The following GALNTL6 variants were observed in gnomAD, a reference collection of about 807,000 sequenced individuals.
The protein encoded by GALNTL6 is polypeptide N-acetylgalactosaminyltransferase like 6, also known as polypeptide N-acetylgalactosaminyltransferase-like 6.
In GALNTL6, 46 loss-of-function variants were observed where a neutral mutation model predicts 73.7. The ratio of observed to expected loss-of-function variants is 0.62; its 90% CI spans 0.49 to 0.80. The LOEUF (loss-of-function observed/expected upper bound fraction) is 0.80, where lower values mean the gene tolerates loss of function less well. GALNTL6 is among the 30% of genes least tolerant of loss of function. GALNTL6 has a pLI of 0.00. For missense variants in GALNTL6, 604 were observed against 755.0 expected, an observed-to-expected ratio of 0.80 and a Z score of 2.34; for synonymous variants, 259 against 263.7, an observed-to-expected ratio of 0.98 and a Z score of 0.17.
At chr4:171,961,412 C>A (rs1469551342) in intron 2 of GALNTL6, among the ~76,000 whole-genome samples, 1 of 152,016 alleles carries the variant, frequency 6.6e-6, no homozygotes, top group African/African-American at 2.4e-5. Context: ...ATGGTACAAA[C>A]CCATGGCTGA....
At chr4:172,767,937 G>A (rs138957559) in intron 5 of GALNTL6, among the ~76,000 whole-genome samples, 38 of 152,078 alleles carry the variant, frequency 2.5e-4, no homozygotes, top group African/African-American at 8.9e-4. Flanking sequence ...CAAAGTGCTG[G>A]GATTACAGGC....
chr4:172,428,200 T>C (rs1201202962), intron 5 of GALNTL6, among the ~76,000 whole-genome samples: 1 of 152,186 alleles, frequency 6.6e-6, no homozygotes. Flanking sequence ...CATTTATGTT[T>C]TCACTGTTCA....
chr4:172,622,001 C>T (rs1426305107), intron 5 of GALNTL6, among the ~76,000 whole-genome samples: 3 of 152,094 alleles, frequency 2.0e-5, no homozygotes, highest in East Asian at 3.8e-4. Context: ...CATATGCTGC[C>T]CAACGTCAAG....
intron 5 of GALNTL6, among the ~76,000 whole-genome samples, chr4:172,649,881 T>C (rs1291675034): frequency 6.6e-6 from 1 of 152,180 alleles, no homozygotes; most frequent in Non-Finnish European, 1.5e-5. Flanking sequence ...GTTAAATTGC[T>C]TTACTAGGCA....
chr4:172,853,297 G>GGGT (rs1162711886), intron 7 of GALNTL6, among the ~76,000 whole-genome samples: 1 of 152,126 alleles, frequency 6.6e-6, no homozygotes, highest in East Asian at 1.9e-4. Flanking sequence ...TTGCCATGAG[G>GGGT]GGTGCCCCAA....
At chr4:172,223,768 A>G (rs1317664046) in intron 2 of GALNTL6, among the ~76,000 whole-genome samples, 1 of 152,124 alleles carries the variant, frequency 6.6e-6, no homozygotes, top group Non-Finnish European at 1.5e-5. Flanking sequence ...TATTAATGAT[A>G]TGATGTAAAC....
chr4:172,258,029 G>A (rs4305482), intron 3 of GALNTL6, among the ~76,000 whole-genome samples: 71,774 of 151,018 alleles, frequency 0.48, 17,057 homozygotes, highest in Middle Eastern at 0.55. Context: ...AGTCAAGAAT[G>A]AGAGAGTTTC....
Position 171,814,494 on chromosome 4 carries a change from A to G in GALNTL6, c.-87A>G, listed in dbSNP as rs1028463065. 20 of 1,421,824 alleles carry G rather than the reference A, an allele frequency of 1.4e-5. No individual in the cohort carries two copies. The highest frequency in any genetic ancestry group is 1.9e-5 in the Non-Finnish European group (19 of 1,022,462). The allele number at this position is 1,421,824 out of a possible 1,614,324, so 88.1% of individuals were successfully genotyped here. On this transcript the variant is annotated 5_prime_UTR_variant, in exon 2 of 13. Coordinates refer to ENST00000506823, the MANE Select transcript of GALNTL6 (RefSeq NM_001034845.3). ...AGCTTCTCAGTTTCTGGTGCTTCGC[A>G]GGGGAGAGGAAAGGAATTTGACATT...
chr4:172,811,058 A>G (rs1741271424), intron 6 of GALNTL6, among the ~76,000 whole-genome samples: 1 of 152,206 alleles, frequency 6.6e-6, no homozygotes, highest in African/African-American at 2.4e-5. Flanking sequence ...GTCCTGATGG[A>G]TAAGAAATGA....
chr4:172,438,339 C>T (rs1214143893), intron 5 of GALNTL6, among the ~76,000 whole-genome samples: 1 of 151,914 alleles, frequency 6.6e-6, no homozygotes, highest in Admixed American at 6.6e-5. Flanking sequence ...CCTCATATAA[C>T]CTCACTTTCA....
At chr4:172,021,093 G>A (rs34901634) in intron 2 of GALNTL6, among the ~76,000 whole-genome samples, 18,524 of 151,772 alleles carry the variant, frequency 0.12, 2,843 homozygotes, top group African/African-American at 0.36. Context: ...GATAAAATTC[G>A]GCATCCCTTC....
chr4:172,194,631 G>C (rs1391280658), intron 2 of GALNTL6, among the ~76,000 whole-genome samples: 1 of 152,158 alleles, frequency 6.6e-6, no homozygotes, highest in Non-Finnish European at 1.5e-5. Context: ...AGAGATTGGG[G>C]AACTAACATT....
rs190605434 is a variant in GALNTL6 at position 171,986,302 on chromosome 4, G to A, written c.138+171584G>A. Among the ~76,000 whole-genome samples, 11 of 151,948 alleles carry A rather than the reference G, an allele frequency of 7.2e-5. No individual in the cohort carries two copies. The East Asian group carries it at 1.6e-3, about 22-fold the overall frequency. On this transcript the variant is annotated intron_variant, in intron 2 of 12. Transcript: ENST00000506823. ...GGGGGTGTTCTCTGGCGGGCAGAGT[G>A]GGGGTCACAAGGTGCTCAGTAGGGG...
chr4:172,840,395 C>A (rs1267909158), intron 7 of GALNTL6, among the ~76,000 whole-genome samples: 1 of 152,214 alleles, frequency 6.6e-6, no homozygotes, highest in Non-Finnish European at 1.5e-5. Flanking sequence ...ATTCCTCTTT[C>A]CCTTCCGCCA....
At chr4:172,852,022 G>A (rs1743846468) in intron 7 of GALNTL6, among the ~76,000 whole-genome samples, 1 of 152,118 alleles carries the variant, frequency 6.6e-6, no homozygotes, top group African/African-American at 2.4e-5. Flanking sequence ...TTCAGGTTCA[G>A]GGAATACTCT....
At chr4:172,936,653 C>T (rs1222025336) in intron 9 of GALNTL6, among the ~76,000 whole-genome samples, 3 of 152,120 alleles carry the variant, frequency 2.0e-5, no homozygotes, top group Admixed American at 6.5e-5. Context: ...TGTGAGTGAA[C>T]GCCCATTCAC....
At chr4:172,462,538 A>G (rs192457540) in intron 5 of GALNTL6, among the ~76,000 whole-genome samples, 1 of 152,296 alleles carries the variant, frequency 6.6e-6, no homozygotes, top group African/African-American at 2.4e-5. Flanking sequence ...CACTTTCAGT[A>G]AACTTTTCGC....
intron 5 of GALNTL6, among the ~76,000 whole-genome samples, chr4:172,631,306 G>A (rs1259228054): frequency 6.6e-6 from 1 of 151,898 alleles, no homozygotes; most frequent in Non-Finnish European, 1.5e-5. Flanking sequence ...CACCATGCCT[G>A]GCTGATTTTT....
At chr4:172,127,679 G>A (rs1014171352) in intron 2 of GALNTL6, among the ~76,000 whole-genome samples, 8 of 152,174 alleles carry the variant, frequency 5.3e-5, no homozygotes, top group African/African-American at 1.9e-4. Context: ...ATAAGATATA[G>A]TTGTTTTTAT....
Sources: gnomAD v4.1 joint callset for allele counts (sites outside exome capture counted in the v4.1 genomes callset) on GRCh38, gnomAD v4.1.1 for gene constraint, MANE v1.5 for transcripts, NCBI Gene and HGNC (gene_info 2026-07-23, HGNC 2026-07-21) for gene names.